MAGI2: variants seen among roughly 807,000 people sequenced by gnomAD.
The protein encoded by MAGI2 is membrane associated guanylate kinase, WW and PDZ domain containing 2.
In MAGI2, 35 loss-of-function variants were observed where a neutral mutation model predicts 133.3. The ratio of observed to expected loss-of-function variants is 0.26; its 90% confidence interval spans 0.20 to 0.35. The LOEUF is 0.35. Among genes scored for constraint, MAGI2 ranks in the 10% least tolerant of loss-of-function variants. The pLI is 1.00. For missense variants in MAGI2, 1,636 were observed against 1,863.4 expected, an observed-to-expected ratio of 0.88 and a Z score of 2.25; for synonymous variants, 729 against 710.6, an observed-to-expected ratio of 1.03 and a Z score of -0.41.
At chr7:78,507,502 G>A (rs1795192352) in intron 4 of MAGI2, among the ~76,000 whole-genome samples, 2 of 152,164 alleles carry the variant, frequency 1.3e-5, no homozygotes, top group Non-Finnish European at 2.9e-5. Flanking sequence ...CTTCTGGGCA[G>A]AGTGAGTAAA....
At chr7:78,844,421 T>C (rs181995463) in intron 2 of MAGI2, among the ~76,000 whole-genome samples, 273 of 151,992 alleles carry the variant, frequency 1.8e-3, no homozygotes, top group Middle Eastern at 0.01. Flanking sequence ...TATCAGCTAA[T>C]GAATGGATAC....
intron 21 of MAGI2, among the ~76,000 whole-genome samples, chr7:78,066,109 C>A (rs1813778470): frequency 6.6e-6 from 1 of 152,066 alleles, no homozygotes; most frequent in Non-Finnish European, 1.5e-5. Context: ...TTTATATTTT[C>A]TCTAATAATC....
At chr7:78,040,378 G>C (rs1340316855) in intron 21 of MAGI2, among the ~76,000 whole-genome samples, 2 of 152,186 alleles carry the variant, frequency 1.3e-5, no homozygotes, top group African/African-American at 4.8e-5. Flanking sequence ...GGCGCCCCCT[G>C]GCGGCCCCTG....
intron 21 of MAGI2, among the ~76,000 whole-genome samples, chr7:78,077,327 A>G (rs1198908532): frequency 6.6e-6 from 1 of 152,134 alleles, no homozygotes; most frequent in African/African-American, 2.4e-5. Flanking sequence ...AGGTTATTCT[A>G]TTCCAAGAGT....
chr7:78,853,348 T>C (rs1477672829), intron 2 of MAGI2, among the ~76,000 whole-genome samples: 1 of 86,004 alleles, frequency 1.2e-5, no homozygotes, highest in African/African-American at 4.3e-5. Flanking sequence ...TTTTTTTTTT[T>C]TTTTTTTTTT....
At chr7:78,553,260 T>G (rs1799518895) in intron 3 of MAGI2, among the ~76,000 whole-genome samples, 1 of 152,172 alleles carries the variant, frequency 6.6e-6, no homozygotes, top group South Asian at 2.1e-4. Context: ...TTTTCGTAGC[T>G]TTATTTTAAT....
intron 1 of MAGI2, among the ~76,000 whole-genome samples, chr7:79,234,116 A>G (rs1585277214): frequency 5.2e-5 from 7 of 134,452 alleles, no homozygotes; most frequent in South Asian, 2.6e-4. Flanking sequence ...AATGTTGAAT[A>G]TTGGCCCCCA....
chr7:78,413,621 G>A (rs1798045150), intron 6 of MAGI2, among the ~76,000 whole-genome samples: 1 of 152,048 alleles, frequency 6.6e-6, no homozygotes, highest in South Asian at 2.1e-4. Context: ...GAGGCAATGG[G>A]AGTGAATGAG....
chr7:78,914,253 A>G (rs1479825939), intron 2 of MAGI2, among the ~76,000 whole-genome samples: 2 of 152,150 alleles, frequency 1.3e-5, no homozygotes, highest in Non-Finnish European at 2.9e-5. Flanking sequence ...TAACATATGA[A>G]CAAACAACAT....
At chr7:78,729,244 CCAGT>C (rs1821133525) in intron 2 of MAGI2, among the ~76,000 whole-genome samples, 1 of 152,126 alleles carries the variant, frequency 6.6e-6, no homozygotes, top group South Asian at 2.1e-4. Context: ...AGGATTACTC[CCAGT>C]CATTTTAAAG....
chr7:78,807,481 C>T (rs1788677047), intron 2 of MAGI2, among the ~76,000 whole-genome samples: 1 of 152,080 alleles, frequency 6.6e-6, no homozygotes, highest in African/African-American at 2.4e-5. Context: ...TGCAATATCA[C>T]ATGTCATATA....
chr7:78,101,391 C>A (rs1818197778), intron 20 of MAGI2, among the ~76,000 whole-genome samples: 1 of 152,062 alleles, frequency 6.6e-6, no homozygotes. Flanking sequence ...CAGAAATAAA[C>A]TCATGCATAT....
chr7:78,143,225 T>C (rs1449023166), intron 16 of MAGI2, among the ~76,000 whole-genome samples: 6 of 152,180 alleles, frequency 3.9e-5, no homozygotes, highest in Non-Finnish European at 8.8e-5. Context: ...TCAGTAATAA[T>C]GGAAAAATCT....
intron 2 of MAGI2, among the ~76,000 whole-genome samples, chr7:78,842,594 G>A (rs969947716): frequency 6.6e-6 from 1 of 151,612 alleles, no homozygotes; most frequent in African/African-American, 2.4e-5. Flanking sequence ...ATGTTTTTTA[G>A]TAAATACATC....
At chr7:79,158,409 G>GA (rs1252811048) in intron 1 of MAGI2, among the ~76,000 whole-genome samples, 2 of 151,966 alleles carry the variant, frequency 1.3e-5, no homozygotes, top group Non-Finnish European at 2.9e-5. Flanking sequence ...CGTGACTTAA[G>GA]AAAAATCTTT....
At chr7:78,726,671 A>C (rs376437047) in intron 2 of MAGI2, among the ~76,000 whole-genome samples, 1 of 152,186 alleles carries the variant, frequency 6.6e-6, no homozygotes, top group East Asian at 1.9e-4. Context: ...ACTTCTCCCA[A>C]GTAATAATCT....
intron 21 of MAGI2, among the ~76,000 whole-genome samples, chr7:78,057,977 GTATATATATATATA>G (rs58788674): frequency 2.8e-5 from 3 of 106,612 alleles, no homozygotes; most frequent in East Asian, 2.6e-4. Context: ...ATATATATGT[GTATATATATATATA>G]TATATATATA....
At chr7:78,904,030 G>A (rs1479936109) in intron 2 of MAGI2, 2 of 152,050 alleles carry the variant, frequency 1.3e-5, no homozygotes. Context: ...CTTCATTTGG[G>A]GCTTGTAATA....
At position 78,912,799 on chromosome 7, in the gene MAGI2, C is replaced by CAT. The variant is rs906164965; in HGVS notation, c.418+94289_418+94290dup. On this transcript the variant is annotated intron_variant, in intron 2 of 21. Coordinates refer to ENST00000354212, the MANE Select transcript of MAGI2 (RefSeq NM_012301.4). ...ATATCATTCATATATATATATCATT[C>CAT]ATATATATATATATCATTCATATAT... Among the ~76,000 whole-genome samples, 291 of 136,906 alleles carry CAT rather than the reference C, an allele frequency of 2.1e-3. 2 individuals are homozygous for CAT. The highest frequency in any genetic ancestry group is 1.7e-3 in the Non-Finnish European group (110 of 65,014). The allele number at this position is 136,906 out of a possible 152,430, so 89.8% of individuals were successfully genotyped here.
Sources: allele counts gnomAD v4.1 joint callset (sites outside exome capture counted in the v4.1 genomes callset), GRCh38; gene constraint gnomAD v4.1.1; transcripts MANE v1.5; gene names NCBI Gene and HGNC (gene_info 2026-07-23, HGNC 2026-07-21).